The following ASTN2 variants were observed in gnomAD, a reference collection of about 807,000 sequenced individuals.
ASTN2 encodes the protein astrotactin-2.
In ASTN2, 54 loss-of-function variants were observed where a neutral mutation model predicts 139.8. The ratio of observed to expected loss-of-function variants is 0.39; its 90% CI spans 0.31 to 0.48. The LOEUF (loss-of-function observed/expected upper bound fraction) is 0.48. ASTN2 is among the 20% of genes least tolerant of loss of function. The pLI is 0.95. For missense variants in ASTN2, 1,565 were observed against 1,725.1 expected, an observed-to-expected ratio of 0.91 and a Z score of 1.64; for synonymous variants, 756 against 719.5, an observed-to-expected ratio of 1.05 and a Z score of -0.81.
At chr9:117,219,822 A>G (rs1465193122) in intron 2 of ASTN2, among the ~76,000 whole-genome samples, 1 of 152,104 alleles carries the variant, frequency 6.6e-6, no homozygotes, top group East Asian at 1.9e-4. Context: ...CTCTTGTTCT[A>G]TTACTGACAG....
rs144565880 is a variant in ASTN2 at position 117,349,736 on chromosome 9, G to A, written c.443-58223C>T. On this transcript the variant is annotated intron_variant, in intron 1 of 22. Coordinates refer to ENST00000313400, the MANE Select transcript of ASTN2 (RefSeq NM_001365068.1). The stretch of plus-strand genomic sequence containing the variant: ...GCAGTGGAAAAACCCAATGGACACT[G>A]CCCCAAATAAATGATGAAGACTAAC... Among the ~76,000 whole-genome samples the A allele has an allele frequency of 3.9e-5, 6 of 152,228 alleles. No homozygotes were observed. The East Asian group carries it at 1.2e-3, about 29-fold the overall frequency.
At chr9:116,508,476 G>A (rs1850209757) in intron 19 of ASTN2, among the ~76,000 whole-genome samples, 1 of 151,974 alleles carries the variant, frequency 6.6e-6, no homozygotes, top group African/African-American at 2.4e-5. Flanking sequence ...AGAAGTGTGT[G>A]TGAGTGTGAG....
chr9:116,628,501 T>A (rs1856572236), intron 17 of ASTN2, among the ~76,000 whole-genome samples: 1 of 152,108 alleles, frequency 6.6e-6, no homozygotes, highest in Non-Finnish European at 1.5e-5. Flanking sequence ...CTAGATATAC[T>A]GACTAGAATT....
intron 5 of ASTN2, among the ~76,000 whole-genome samples, chr9:117,085,059 A>T (rs1174641827): frequency 6.6e-6 from 1 of 152,180 alleles, no homozygotes; most frequent in Non-Finnish European, 1.5e-5. Flanking sequence ...CCTCCTATGC[A>T]GGCCCTAAAT....
intron 7 of ASTN2, among the ~76,000 whole-genome samples, chr9:117,001,685 T>C (rs1046813471): frequency 1.2e-4 from 19 of 152,166 alleles, no homozygotes; most frequent in African/African-American, 4.6e-4. Flanking sequence ...TAGTCCCTAT[T>C]GATTTTACAA....
chr9:117,071,068 TGGA>T (rs1188756325), intron 5 of ASTN2, among the ~76,000 whole-genome samples: 2 of 148,906 alleles, frequency 1.3e-5, no homozygotes, highest in Non-Finnish European at 3.0e-5. Flanking sequence ...TGCGTTCCTT[TGGA>T]GGAGGAGAGG....
At chr9:116,494,473 C>T (rs756206739) in intron 19 of ASTN2, among the ~76,000 whole-genome samples, 2 of 152,196 alleles carry the variant, frequency 1.3e-5, no homozygotes, top group East Asian at 1.9e-4. Context: ...AGGTGCATTA[C>T]ATCATATCTA....
At chr9:116,990,268 G>A (rs2132549981) in intron 7 of ASTN2, among the ~76,000 whole-genome samples, 1 of 152,160 alleles carries the variant, frequency 6.6e-6, no homozygotes. Context: ...AAGTTCTTTT[G>A]TTTGTTTGTT....
intron 20 of ASTN2, among the ~76,000 whole-genome samples, chr9:116,461,431 T>C (rs1326968127): frequency 6.6e-6 from 1 of 152,108 alleles, no homozygotes; most frequent in African/African-American, 2.4e-5. Flanking sequence ...CATATATATA[T>C]GTACACATAT....
intron 11 of ASTN2, among the ~76,000 whole-genome samples, chr9:116,839,635 C>T (rs141459657): frequency 0.016 from 2,506 of 151,926 alleles, 82 homozygotes; most frequent in African/African-American, 0.057. Flanking sequence ...GCTGGAATTA[C>T]AGCCCCGTGT....
chr9:116,526,384 G>A (rs557445198), intron 19 of ASTN2, among the ~76,000 whole-genome samples: 2 of 152,220 alleles, frequency 1.3e-5, no homozygotes, highest in South Asian at 4.2e-4. Context: ...GGCCAAGGTG[G>A]GAGGATCACT....
chr9:117,412,959 T>C (rs2130985059), intron 1 of ASTN2, among the ~76,000 whole-genome samples: 1 of 152,164 alleles, frequency 6.6e-6, no homozygotes, highest in African/African-American at 2.4e-5. Context: ...TGTGTGTCTG[T>C]GTGTGTGTGC....
intron 4 of ASTN2, among the ~76,000 whole-genome samples, chr9:117,107,789 C>T (rs1226620587): frequency 1.3e-5 from 2 of 152,166 alleles, no homozygotes; most frequent in Non-Finnish European, 2.9e-5. Flanking sequence ...CTGGTCTTTC[C>T]TATCATGTAT....
chr9:116,738,708 A>G (rs1286426520), intron 13 of ASTN2, among the ~76,000 whole-genome samples: 1 of 152,184 alleles, frequency 6.6e-6, no homozygotes, highest in African/African-American at 2.4e-5. Context: ...ACAAAGAAAC[A>G]TGTTCAGAGA....
intron 17 of ASTN2, among the ~76,000 whole-genome samples, chr9:116,645,013 C>T (rs532151141): frequency 3.3e-5 from 5 of 152,174 alleles, no homozygotes; most frequent in African/African-American, 7.2e-5. Context: ...CTAGTGTCTC[C>T]GTTTTCTAGT....
intron 1 of ASTN2, among the ~76,000 whole-genome samples, chr9:117,295,032 G>A (rs1834693783): frequency 6.6e-6 from 1 of 152,268 alleles, no homozygotes; most frequent in African/African-American, 2.4e-5. Flanking sequence ...ATCATGATTA[G>A]AAATTCAGGC....
chr9:116,883,014 C>T (rs1285303313), intron 10 of ASTN2, among the ~76,000 whole-genome samples: 2 of 152,102 alleles, frequency 1.3e-5, no homozygotes, highest in African/African-American at 2.4e-5. Context: ...TGTTCGTACA[C>T]GTTGACCAAG....
chr9:117,314,583 TATC>T (rs1332166981), intron 1 of ASTN2, among the ~76,000 whole-genome samples: 1 of 147,802 alleles, frequency 6.8e-6, no homozygotes, highest in Non-Finnish European at 1.5e-5. Flanking sequence ...AAACACATAT[TATC>T]ATATATTTTA....
At chr9:116,893,295 T>C (rs979273646) in intron 10 of ASTN2, among the ~76,000 whole-genome samples, 8 of 152,152 alleles carry the variant, frequency 5.3e-5, no homozygotes, top group Non-Finnish European at 8.8e-5. Context: ...AAACACATTA[T>C]TTTCATGGCT....
Sources: allele counts gnomAD v4.1 joint callset (sites outside exome capture counted in the v4.1 genomes callset), GRCh38; gene constraint gnomAD v4.1.1; transcripts MANE v1.5; gene names NCBI Gene and HGNC (gene_info 2026-07-23, HGNC 2026-07-21).